PEAK1: variants seen among roughly 807,000 people sequenced by gnomAD.
PEAK1 encodes pseudopodium enriched atypical kinase 1.
A neutral mutation model predicts 124.7 loss-of-function variants in PEAK1; 54 were observed. The ratio of observed to expected loss-of-function variants is 0.43; its 90% confidence interval spans 0.35 to 0.54. The LOEUF is 0.54. Among genes scored for constraint, PEAK1 ranks in the 20% least tolerant of loss-of-function variants. PEAK1 has a pLI of 0.01. For synonymous variants in PEAK1, 719 were observed against 760.0 expected (o/e 0.95, Z 0.89); for missense variants, 2,046 against 2,134.5 (o/e 0.96, Z 0.82).
chr15:77,132,695 C>CAAAAAAAAA (rs35561271), intron 9 of PEAK1, among the ~76,000 whole-genome samples: 1 of 100,352 alleles, frequency 1.0e-5, no homozygotes, highest in Non-Finnish European at 1.8e-5. Context: ...AACTCCATCT[C>CAAAAAAAAA]AAAAAAAAAA....
At chr15:77,352,139 T>C (rs1162741486) in intron 2 of PEAK1, 50 of 924,644 alleles carry the variant, frequency 5.4e-5, no homozygotes, top group Non-Finnish European at 6.5e-6. Flanking sequence ...AGGATTGCTT[T>C]AGCCTGCAGT....
At chr15:77,313,961 C>T (rs62008456) in intron 2 of PEAK1, among the ~76,000 whole-genome samples, 4,068 of 151,874 alleles carry the variant, frequency 0.027, 54 homozygotes, top group Middle Eastern at 0.048. Flanking sequence ...CAAACACTAC[C>T]TTAGCCAGTG....
In PEAK1 at chr15:77,181,894, A is replaced by G. The variant is rs1409976203; in HGVS notation, c.33T>C (p.Val11=). The change falls in exon 7 of 10, where the codon GTT becomes GTC. Residue 11 remains valine, a synonymous_variant. Coordinates refer to ENST00000682557, the MANE Select transcript of PEAK1 (RefSeq NM_001385026.1). ...AATTCTTGCATTCACCAGGTTTCCA[A>G]ACATGTTCAGTAAAGGTGTTACAAG... The part of the protein sequence containing the change: MSACNTFTEH[V]WKPGECKNCF... 1.3e-6 allele frequency: 2 copies of G among 1,594,904 alleles called. No individual in the cohort carries two copies. Among genetic ancestry groups the G allele is most frequent in the East Asian group, 2.2e-5 (1 of 44,578 alleles).
At chr15:77,134,420 G>A (rs907907478) in intron 8 of PEAK1, among the ~76,000 whole-genome samples, 3 of 152,224 alleles carry the variant, frequency 2.0e-5, no homozygotes, top group African/African-American at 4.8e-5. Context: ...CAGTGTATAT[G>A]AGCAGTCAAC....
intron 1 of PEAK1, among the ~76,000 whole-genome samples, chr15:77,396,840 G>C (rs905736417): frequency 6.6e-6 from 1 of 152,172 alleles, no homozygotes; most frequent in African/African-American, 2.4e-5. Flanking sequence ...TAGAGTTAAA[G>C]AGAGATCTAG....
intron 1 of PEAK1, among the ~76,000 whole-genome samples, chr15:77,400,123 T>C (rs571884473): frequency 1.3e-5 from 2 of 152,250 alleles, no homozygotes; most frequent in African/African-American, 4.8e-5. Context: ...TCACTCCAGT[T>C]AAAATGGCTT....
At chr15:77,380,909 C>T (rs2069423832) in intron 1 of PEAK1, among the ~76,000 whole-genome samples, 1 of 152,184 alleles carries the variant, frequency 6.6e-6, no homozygotes, top group Non-Finnish European at 1.5e-5. Flanking sequence ...ATTTAATACA[C>T]AATCTTTTAG....
intron 9 of PEAK1, among the ~76,000 whole-genome samples, chr15:77,121,278 T>A (rs2051893237): frequency 1.3e-5 from 2 of 152,102 alleles, no homozygotes; most frequent in Non-Finnish European, 2.9e-5. Flanking sequence ...GATACTTGTA[T>A]CTTTAGGGCC....
intron 8 of PEAK1, among the ~76,000 whole-genome samples, chr15:77,138,852 ACT>A (rs974204657): frequency 7.9e-6 from 1 of 126,306 alleles, no homozygotes; most frequent in Non-Finnish European, 1.7e-5. Context: ...ACAGAGCGAG[ACT>A]CTGTCTCAAA....
chr15:77,205,428 A>G (rs1258866391), intron 6 of PEAK1, among the ~76,000 whole-genome samples: 1 of 152,184 alleles, frequency 6.6e-6, no homozygotes, highest in Non-Finnish European at 1.5e-5. Flanking sequence ...GTTATATCCT[A>G]TAATACAAAG....
At position 77,221,694 on chromosome 15, in the gene PEAK1, G is replaced by C. The variant is rs759381497; in HGVS notation, c.-115+30673C>G. The stretch of plus-strand genomic sequence containing the variant: ...TATAAGAAAACCAGTTAATGTGAGA[G>C]AGAAAAAGGAATTTAAAAACCATTA... On this transcript the variant is annotated intron_variant, in intron 6 of 9. Coordinates refer to ENST00000682557, the MANE Select transcript of PEAK1 (RefSeq NM_001385026.1). 8.5e-4 allele frequency among the ~76,000 whole-genome samples: 130 copies of C among 152,100 alleles called. 1 individual carries two copies. Among genetic ancestry groups the C allele is most frequent in the Non-Finnish European group, 1.0e-4 (7 of 68,014 alleles).
At chr15:77,281,448 A>G (rs1007170672) in intron 5 of PEAK1, among the ~76,000 whole-genome samples, 1 of 152,214 alleles carries the variant, frequency 6.6e-6, no homozygotes, top group Admixed American at 6.5e-5. Context: ...CTAGCAATGT[A>G]TTATACTACC....
intron 6 of PEAK1, among the ~76,000 whole-genome samples, chr15:77,197,154 A>G (rs1408106476): frequency 6.6e-6 from 1 of 152,160 alleles, no homozygotes; most frequent in East Asian, 1.9e-4. Flanking sequence ...CACCCAGACT[A>G]AAACAGCTTG....
intron 7 of PEAK1, among the ~76,000 whole-genome samples, chr15:77,169,134 G>A (rs566746614): frequency 1.6e-4 from 25 of 152,194 alleles, no homozygotes; most frequent in Middle Eastern, 3.4e-3. Context: ...TTGCTATGTT[G>A]CCCAGGCTGA....
intron 6 of PEAK1, among the ~76,000 whole-genome samples, chr15:77,248,324 T>C (rs2060689564): frequency 6.6e-6 from 1 of 152,202 alleles, no homozygotes; most frequent in Non-Finnish European, 1.5e-5. Context: ...TCCTCATATA[T>C]AAAATGGAAA....
intron 7 of PEAK1, among the ~76,000 whole-genome samples, chr15:77,164,398 T>C (rs1438863933): frequency 6.6e-6 from 1 of 152,242 alleles, no homozygotes; most frequent in African/African-American, 2.4e-5. Flanking sequence ...GTGAATGAAG[T>C]AGCTAGGTCT....
chr15:77,338,723 T>C (rs1336641411), intron 2 of PEAK1, among the ~76,000 whole-genome samples: 1 of 151,362 alleles, frequency 6.6e-6, no homozygotes, highest in Non-Finnish European at 1.5e-5. Context: ...ACAATAAAAT[T>C]TAAAGATATG....
Position 77,343,332 on chromosome 15 carries a change from A to G in PEAK1, c.-603+21831T>C, listed in dbSNP as rs182207240. Among the ~76,000 whole-genome samples the G allele has an allele frequency of 5.9e-5, 9 of 152,194 alleles. No individual in the cohort carries two copies. In the East Asian group the frequency reaches 1.7e-3, roughly 29 times the overall value. Reference sequence around the variant, plus strand: ...GTTTGGTTTTTTGTAGTTGTGAGTTATAGGAATTTTTTTATATTCTGGATA... The same window carrying G: ...GTTTGGTTTTTTGTAGTTGTGAGTTGTAGGAATTTTTTTATATTCTGGATA... On this transcript the variant is annotated intron_variant, in intron 2 of 9. Transcript: ENST00000682557.
In PEAK1 at chr15:77,181,087, C is replaced by G; in HGVS notation, c.840G>C (p.Leu280Phe). The G allele has an allele frequency of 6.2e-7, 1 of 1,614,194 alleles. No homozygotes were observed. The highest frequency in any genetic ancestry group is 8.5e-7 in the Non-Finnish European group (1 of 1,180,018). ...TGTCCACAAAGAATCGAACAGGAGA[C>G]AATGTGTTTGCTCTGAAGTTGGCAA... ...PRFANFRANT[L>F]SPVRFFVDKK... is the part of the protein sequence containing the mutation. Residue 280 changes from leucine to phenylalanine, a missense_variant, in exon 7 of 10, where the codon TTG becomes TTC. Transcript: ENST00000682557.
Sources: allele counts gnomAD v4.1 joint callset (sites outside exome capture counted in the v4.1 genomes callset), GRCh38; gene constraint gnomAD v4.1.1; transcripts MANE v1.5; gene names NCBI Gene and HGNC (gene_info 2026-07-23, HGNC 2026-07-21).